Variants in MALRD1 observed in about 807,000 individuals in gnomAD.
The protein encoded by MALRD1 is MAM and LDL-receptor class A domain-containing protein 1.
In MALRD1, 247 loss-of-function variants were observed where a neutral mutation model predicts 242.1. The ratio of observed to expected loss-of-function variants is 1.02; its 90% CI spans 0.92 to 1.13. The LOEUF (loss-of-function observed/expected upper bound fraction) is 1.13, where lower values mean the gene tolerates loss of function less well. MALRD1 is among the 50% of genes most tolerant of loss of function. The pLI, the probability that MALRD1 is intolerant of heterozygous loss-of-function variation, is 0.00. For missense variants in MALRD1, 2,989 were observed against 2,533.1 expected (o/e 1.18, Z -3.86); for synonymous variants, 995 against 866.6 (o/e 1.15, Z -2.60).
chr10:19,326,404 C>T (rs1843137084), intron 22 of MALRD1, among the ~76,000 whole-genome samples: 1 of 151,804 alleles, frequency 6.6e-6, no homozygotes, highest in African/African-American at 2.4e-5. Context: ...GATATCAATG[C>T]CTTATTTTTG....
In MALRD1 at chr10:19,387,674, TG is replaced by T. The variant is rs758019136; in HGVS notation, c.4590del (p.Trp1530CysfsTer13). The T allele has an allele frequency of 6.4e-7, 1 of 1,550,434 alleles. No homozygotes were observed. Among genetic ancestry groups the T allele is most frequent in the South Asian group, 1.2e-5 (1 of 84,062 alleles). ...SCTFEKGWCGWQNSQADNFDW... is the reference protein window; with the variant it reads ...SCTFEKGWCGXQNSQADNFDW... ...TACTTTTGAAAAAGGCTGGTGTGGCTGGCAAAACTCCCAGGCTGACAACTTT... is the reference window on the plus strand; with the variant it reads ...TACTTTTGAAAAAGGCTGGTGTGGCTGCAAAACTCCCAGGCTGACAACTTT... On this transcript the variant is annotated frameshift_variant, in exon 27 of 40. Transcript: ENST00000454679. LOFTEE classifies it high-confidence loss of function.
intron 14 of MALRD1, among the ~76,000 whole-genome samples, chr10:19,195,740 A>G (rs1352058088): frequency 7.9e-5 from 12 of 152,140 alleles, no homozygotes; most frequent in Admixed American, 6.5e-4. Context: ...GAATGTGGCT[A>G]GAGATGGAAA....
chr10:19,270,738 TATTA>T (rs1451658327), intron 19 of MALRD1, among the ~76,000 whole-genome samples: 1 of 151,610 alleles, frequency 6.6e-6, no homozygotes, highest in Non-Finnish European at 1.5e-5. Context: ...TTCTAAAAAC[TATTA>T]ATTGTTAGCC....
At position 19,204,288 on chromosome 10, in the gene MALRD1, T is replaced by TTG; in HGVS notation, c.2105-19_2105-18insGT. On this transcript the variant is annotated intron_variant, in intron 15 of 39. Transcript: ENST00000454679. ...CCAATAGGTTAATGAAGCGTTTTTT[T>TTG]TTTTTTTTTATCTCAACAGGGCATT... is the stretch of plus-strand genomic sequence containing the variant. 1.4e-6 allele frequency: 2 copies of TTG among 1,468,870 alleles called. No individual in the cohort carries two copies. The highest frequency in any genetic ancestry group is 1.4e-5 in the African/African-American group (1 of 69,240). The allele number at this position is 1,468,870 out of a possible 1,614,324, so 91.0% of individuals were successfully genotyped here. A position where few individuals can be genotyped will look rare whatever the true frequency, so the allele number is the denominator to read the frequency against.
intron 18 of MALRD1, among the ~76,000 whole-genome samples, chr10:19,243,321 A>G (rs1406923480): frequency 6.6e-6 from 1 of 152,164 alleles, no homozygotes; most frequent in Non-Finnish European, 1.5e-5. Flanking sequence ...TAATGGCAGC[A>G]TTAAAGCAGC....
At chr10:19,512,770 C>T (rs750693432) in intron 31 of MALRD1, among the ~76,000 whole-genome samples, 11 of 151,942 alleles carry the variant, frequency 7.2e-5, no homozygotes, top group Non-Finnish European at 1.3e-4. Flanking sequence ...ATTTGACAAA[C>T]CAAAAAATGC....
chr10:19,448,600 G>A (rs557887752), intron 28 of MALRD1, among the ~76,000 whole-genome samples: 7 of 151,854 alleles, frequency 4.6e-5, no homozygotes, highest in South Asian at 2.1e-4. Context: ...ATTTTTATTC[G>A]GTCATTGGGA....
intron 35 of MALRD1, among the ~76,000 whole-genome samples, chr10:19,609,980 TTAA>T (rs1420753081): frequency 2.0e-5 from 3 of 151,766 alleles, no homozygotes; most frequent in Non-Finnish European, 4.4e-5. Flanking sequence ...ATGATACAGC[TTAA>T]TAAAGTCTCA....
intron 14 of MALRD1, 52 bp from the exon 15 acceptor site, chr10:19,203,676 G>A (rs1049333920): frequency 1.4e-6 from 2 of 1,469,012 alleles, no homozygotes; most frequent in Non-Finnish European, 1.8e-6. Flanking sequence ...CCTTTTCAAA[G>A]TGTGGGAGCA....
At chr10:19,221,239 TA>T (rs1278380544) in intron 18 of MALRD1, among the ~76,000 whole-genome samples, 1 of 152,152 alleles carries the variant, frequency 6.6e-6, no homozygotes, top group Non-Finnish European at 1.5e-5. Context: ...AGTTATGTTG[TA>T]AATATCGTAG....
At chr10:19,435,442 C>T (rs565883140) in intron 28 of MALRD1, among the ~76,000 whole-genome samples, 1 of 152,268 alleles carries the variant, frequency 6.6e-6, no homozygotes, top group East Asian at 1.9e-4. Context: ...CTCAGGCCTT[C>T]CTAGCCTCCT....
At chr10:19,075,681 T>A (rs905550430) in intron 2 of MALRD1, among the ~76,000 whole-genome samples, 3 of 152,026 alleles carry the variant, frequency 2.0e-5, no homozygotes, top group Non-Finnish European at 4.4e-5. Flanking sequence ...CCTCAGGGCC[T>A]TCAGAAAGGA....
chr10:19,718,122 A>G (rs1373013152), intron 38 of MALRD1, among the ~76,000 whole-genome samples: 17 of 150,528 alleles, frequency 1.1e-4, no homozygotes, highest in African/African-American at 3.2e-4. Context: ...AAGAAGAAGA[A>G]GAAGAGGAAG....
At chr10:19,705,734 G>A (rs1311664694) in intron 38 of MALRD1, among the ~76,000 whole-genome samples, 4 of 136,706 alleles carry the variant, frequency 2.9e-5, no homozygotes, top group Non-Finnish European at 6.1e-5. Context: ...TATTTTAAAA[G>A]AGAAGCCTAA....
intron 38 of MALRD1, among the ~76,000 whole-genome samples, chr10:19,714,008 A>G (rs915562599): frequency 2.0e-5 from 3 of 151,950 alleles, no homozygotes; most frequent in African/African-American, 7.3e-5. Context: ...ATCCGACCCC[A>G]TGGCAGTGTC....
rs1206936885 is a variant in MALRD1, at chr10:19,416,765, A to T, written c.4845+27156A>T. 3.3e-5 allele frequency among the ~76,000 whole-genome samples: 5 copies of T among 152,184 alleles called. No homozygotes were observed. The East Asian group carries it at 5.8e-4, about 18-fold the overall frequency. On this transcript the variant is annotated intron_variant, in intron 28 of 39. Coordinates refer to ENST00000454679, the MANE Select transcript of MALRD1 (RefSeq NM_001142308.3). ...CAGCAAATGAGCCTACAAACATCTT[A>T]AAAAGGTTTTCATCTATCATATTCC...
At chr10:19,431,308 C>G (rs966826720) in intron 28 of MALRD1, among the ~76,000 whole-genome samples, 1 of 151,868 alleles carries the variant, frequency 6.6e-6, no homozygotes, top group African/African-American at 2.4e-5. Flanking sequence ...TAGGTTTATA[C>G]TTCTTTTTTT....
intron 26 of MALRD1, among the ~76,000 whole-genome samples, chr10:19,353,704 A>T (rs1001792445): frequency 1.7e-4 from 26 of 152,100 alleles, no homozygotes; most frequent in Non-Finnish European, 4.4e-5. Flanking sequence ...TGCCCAAGAT[A>T]CTCTACTTCT....
intron 8 of MALRD1, among the ~76,000 whole-genome samples, chr10:19,130,089 A>C (rs17718504): frequency 0.057 from 8,707 of 152,080 alleles, 259 homozygotes; most frequent in South Asian, 0.13. Context: ...TGTTTCTTGC[A>C]ATAGTACTTT....
Sources: gnomAD v4.1 joint callset for allele counts (sites outside exome capture counted in the v4.1 genomes callset) on GRCh38, gnomAD v4.1.1 for gene constraint, MANE v1.5 for transcripts, NCBI Gene and HGNC (gene_info 2026-07-23, HGNC 2026-07-21) for gene names.